The following ZNF514 variants were observed in gnomAD, a reference collection of about 807,000 sequenced individuals.
ZNF514 encodes the protein zinc finger protein 514.
Under a neutral mutation model 9.7 loss-of-function variants are expected in ZNF514, and 12 were observed. The observed-to-expected ratio is 1.24, with a 90% CI of 0.79 to 2.01. The LOEUF (loss-of-function observed/expected upper bound fraction) is 2.01, where lower values mean the gene tolerates loss of function less well. Among genes scored for constraint, ZNF514 ranks in the 30% most tolerant of loss-of-function variants. ZNF514 has a pLI of 0.00. For synonymous variants in ZNF514, 158 were observed against 163.7 expected, an observed-to-expected ratio of 0.97 and a Z score of 0.27; for missense variants, 467 against 465.5, an observed-to-expected ratio of 1.00 and a Z score of -0.03.
Position 95,149,462 on chromosome 2 carries a change from C to A in ZNF514, c.1023G>T (p.Glu341Asp), listed in dbSNP as rs1449080970. The A allele has an allele frequency of 1.9e-6, 3 of 1,611,374 alleles. No individual in the cohort carries two copies. The highest frequency in any genetic ancestry group is 2.5e-6 in the Non-Finnish European group (3 of 1,179,378). The change falls in exon 5 of 5, where the codon GAG (glutamate) becomes GAT (aspartate). Residue 341 changes from glutamate (E) to aspartate (D), a missense_variant. Transcript: ENST00000295208. Reference sequence around the variant, plus strand: ...CACATTTATTACATTTGTAAGGTTTCTCTCCAGTATGAAATCTGTAATGCA... The same window carrying A: ...CACATTTATTACATTTGTAAGGTTTATCTCCAGTATGAAATCTGTAATGCA... ...LIVHYRFHTG[E>D]KPYKCNKCGR...
chr2:95,128,333 T>C, the ZNF514 span, among the ~76,000 whole-genome samples: 1 of 146,216 alleles, frequency 6.8e-6, no homozygotes, highest in African/African-American at 2.6e-5. Flanking sequence ...AAGGTTGCAG[T>C]GAGCTGAGAT....
the ZNF514 span, among the ~76,000 whole-genome samples, chr2:95,139,291 GA>G: frequency 3.5e-4 from 54 of 152,344 alleles, no homozygotes; most frequent in African/African-American, 1.3e-3. Flanking sequence ...GGAGCTGTGG[GA>G]AGGGGGCTAT....
At chr2:95,154,842 T>C (rs1469957660) in intron 2 of ZNF514, 2 of 152,198 alleles carry the variant, frequency 1.3e-5, no homozygotes, top group East Asian at 3.8e-4. Context: ...GACCAAATCA[T>C]GGATGTGGTT....
chr2:95,152,079 A>G (rs1673560099), intron 4 of ZNF514, among the ~76,000 whole-genome samples: 1 of 152,192 alleles, frequency 6.6e-6, no homozygotes. Flanking sequence ...GCAGTCAGGA[A>G]AGCTTTGAGT....
the ZNF514 span, among the ~76,000 whole-genome samples, chr2:95,132,253 G>A: frequency 6.7e-6 from 1 of 148,312 alleles, no homozygotes; most frequent in Non-Finnish European, 1.5e-5. Context: ...CTAGTATCTA[G>A]AATTTATGAA....
chr2:95,150,123 C>T lies in ZNF514; in HGVS notation c.362G>A (p.Gly121Asp). Reference sequence around the variant, plus strand: ...TTTTATCTGCTGCATCTCTAACTGGCCATCACAACCGCAGGCTGCTTTCAA... The same window carrying T: ...TTTTATCTGCTGCATCTCTAACTGGTCATCACAACCGCAGGCTGCTTTCAA... ...SKLKAACGCD[G>D]QLEMQQIKQE... The change falls in exon 5 of 5, where the codon GGC becomes GAC. Residue 121 changes from glycine (G) to aspartate (D), a missense_variant. By Grantham distance (94) the Gly-to-Asp change is moderately conservative (BLOSUM62 -1). Coordinates refer to ENST00000295208, the MANE Select transcript of ZNF514 (RefSeq NM_032788.3). 6.2e-7 allele frequency: 1 copy of T among 1,611,686 alleles called. No homozygotes were observed. The highest frequency in any genetic ancestry group is 2.2e-5 in the East Asian group (1 of 44,876).
the ZNF514 span, among the ~76,000 whole-genome samples, chr2:95,125,119 TC>T: frequency 6.6e-6 from 1 of 151,352 alleles, no homozygotes; most frequent in African/African-American, 2.4e-5. Context: ...CCTCAAGCGA[TC>T]CGCCCACCTC....
chr2:95,129,029 C>T, the ZNF514 span, among the ~76,000 whole-genome samples: 1 of 152,202 alleles, frequency 6.6e-6, no homozygotes, highest in African/African-American at 2.4e-5. Flanking sequence ...TCAGTTTCCT[C>T]TGGTATAGGC....
chr2:95,143,391 C>T (rs190344901), downstream of ZNF514, among the ~76,000 whole-genome samples: 49 of 152,160 alleles, frequency 3.2e-4, no homozygotes, highest in African/African-American at 1.1e-3. Context: ...GAGGCCGAGG[C>T]GGGTGAATCA....
chr2:95,131,839 A>T, the ZNF514 span, among the ~76,000 whole-genome samples: 3 of 151,978 alleles, frequency 2.0e-5, no homozygotes, highest in Admixed American at 6.6e-5. Flanking sequence ...TCAATGAAAG[A>T]CTCCATTAAG....
chr2:95,128,372 AC>A, the ZNF514 span, among the ~76,000 whole-genome samples: 3 of 145,728 alleles, frequency 2.1e-5, no homozygotes, highest in South Asian at 2.3e-4. Flanking sequence ...CCTGGGCGAC[AC>A]GAGCAAGGCT....
downstream of ZNF514, among the ~76,000 whole-genome samples, chr2:95,140,051 G>A (rs559838819): frequency 3.3e-5 from 5 of 152,090 alleles, no homozygotes; most frequent in South Asian, 6.2e-4. Context: ...AACACCACAC[G>A]TTCTCACTCA....
rs1158122516 is a variant in ZNF514 at position 95,157,405 on chromosome 2, C to T, written c.-61G>A. 7.8e-7 allele frequency: 1 copy of T among 1,289,568 alleles called. No homozygotes were observed. The highest frequency in any genetic ancestry group is 5.5e-5 in the East Asian group (1 of 18,040). The allele number at this position is 1,289,568 out of a possible 1,614,324, so 79.9% of individuals were successfully genotyped here. ...TTGTTCCCTCTTCTCCTGGGAATCT[C>T]TCTGGAGGAAGAGCAGGATTCTGAG... On this transcript the variant is annotated 5_prime_UTR_variant, in exon 2 of 5. Coordinates refer to ENST00000295208, the MANE Select transcript of ZNF514 (RefSeq NM_032788.3).
chr2:95,135,803 G>T, the ZNF514 span, among the ~76,000 whole-genome samples: 1 of 152,022 alleles, frequency 6.6e-6, no homozygotes, highest in Non-Finnish European at 1.5e-5. Flanking sequence ...CAGGCACGGT[G>T]GCTCATGCCT....
At chr2:95,131,908 C>T in the ZNF514 span, among the ~76,000 whole-genome samples, 2 of 151,728 alleles carry the variant, frequency 1.3e-5, no homozygotes, top group African/African-American at 2.4e-5. Context: ...TTTGGGAGGC[C>T]GAGGAGGGTG....
chr2:95,152,862 T>C (rs1673582603), intron 3 of ZNF514, 93 bp from the exon 4 acceptor site: 5 of 1,235,434 alleles, frequency 4.0e-6, no homozygotes, highest in South Asian at 1.2e-5. Context: ...ACTGTAGGCA[T>C]GGAAAGCCTC....
chr2:95,153,052 C>G, intron 3 of ZNF514, 81 bp downstream of exon 3: 1 of 1,536,086 alleles, frequency 6.5e-7, no homozygotes. Context: ...ACTTAGCCAA[C>G]CAGCCCAGAC....
rs1300097847 is a variant in ZNF514, at chr2:95,150,205, ATTC to A, written c.277_279del (p.Glu93del). 4 of 1,604,382 alleles carry A rather than the reference ATTC, an allele frequency of 2.5e-6. No homozygotes were observed. Among genetic ancestry groups the A allele is most frequent in the Admixed American group, 1.7e-5 (1 of 59,644 alleles). On this transcript the variant is annotated inframe_deletion, in exon 5 of 5. Transcript: ENST00000295208. ...TTTTCCACTGATACTACCTGGAATA[ATTC>A]TTCTTTGGAAATTCCCCAACTTGGC...
chr2:95,153,483 AAATACAC>A (rs1473983725), intron 2 of ZNF514: 1 of 387,984 alleles, frequency 2.6e-6, no homozygotes, highest in African/African-American at 2.0e-5. Context: ...TTGCATTCTC[AAATACAC>A]AAGGATCAAC....
Sources: allele counts gnomAD v4.1 joint callset (sites outside exome capture counted in the v4.1 genomes callset), GRCh38; gene constraint gnomAD v4.1.1; transcripts MANE v1.5; gene names NCBI Gene and HGNC (gene_info 2026-07-23, HGNC 2026-07-21).